The following MCC variants were observed in gnomAD, a reference collection of about 807,000 sequenced individuals.
MCC encodes the protein MCC regulator of Wnt signaling pathway.
In MCC, 90 loss-of-function variants were observed where a neutral mutation model predicts 116.2. The observed-to-expected ratio is 0.77, with a 90% confidence interval of 0.65 to 0.92. The LOEUF (loss-of-function observed/expected upper bound fraction) is 0.92, where lower values mean the gene tolerates loss of function less well. Ranked by LOEUF, MCC falls within the 40% of genes least tolerant of loss-of-function variation. The probability of loss-of-function intolerance (pLI) is 0.00; values close to 1 mark genes in which losing one functional copy is unlikely to be tolerated. For synonymous variants in MCC, 578 were observed against 510.5 expected (o/e 1.13, Z -1.78); for missense variants, 1,516 against 1,312.2 (o/e 1.16, Z -2.40).
At chr5:113,042,204 C>A (rs1751752210) in intron 17 of MCC, among the ~76,000 whole-genome samples, 1 of 151,408 alleles carries the variant, frequency 6.6e-6, no homozygotes, top group South Asian at 2.1e-4. Flanking sequence ...GGGCAGGGCA[C>A]TGCATGCCTG....
chr5:113,192,408 G>T (rs1053745531), intron 3 of MCC, among the ~76,000 whole-genome samples: 4 of 152,156 alleles, frequency 2.6e-5, no homozygotes, highest in Admixed American at 2.0e-4. Context: ...CTCAACATGG[G>T]ATTACATATT....
intron 1 of MCC, among the ~76,000 whole-genome samples, chr5:113,484,613 C>T (rs1001939431): frequency 2.0e-5 from 3 of 152,118 alleles, no homozygotes; most frequent in Admixed American, 1.3e-4. Context: ...TGGACAATAA[C>T]GGCAGGATAA....
At chr5:113,111,753 G>A (rs999724449) in intron 6 of MCC, among the ~76,000 whole-genome samples, 4 of 152,088 alleles carry the variant, frequency 2.6e-5, no homozygotes, top group Admixed American at 6.5e-5. Flanking sequence ...ACCTATCAAC[G>A]ACGTTGAGGA....
intron 3 of MCC, among the ~76,000 whole-genome samples, chr5:113,219,364 A>G (rs1304007821): frequency 6.6e-6 from 1 of 152,240 alleles, no homozygotes; most frequent in East Asian, 1.9e-4. Context: ...TCCTGTGAGG[A>G]CTTCCAATAA....
At chr5:113,102,028 A>G (rs376056393) in intron 7 of MCC, 83 bp from the exon 8 acceptor site, 2 of 1,353,868 alleles carry the variant, frequency 1.5e-6, no homozygotes, top group East Asian at 2.3e-5. Flanking sequence ...AACAGGAATA[A>G]ATGTCCATAG....
At chr5:113,139,861 A>G (rs1163772204) in intron 5 of MCC, among the ~76,000 whole-genome samples, 2 of 152,218 alleles carry the variant, frequency 1.3e-5, no homozygotes, top group Non-Finnish European at 2.9e-5. Context: ...AGTTGGGACT[A>G]TAGGTGTGCA....
intron 3 of MCC, among the ~76,000 whole-genome samples, chr5:113,270,803 C>G (rs558958685): frequency 6.6e-6 from 1 of 151,508 alleles, no homozygotes; most frequent in Non-Finnish European, 1.5e-5. Context: ...TTCATAGATC[C>G]GTGCTTTTTA....
chr5:113,158,941 G>A (rs556534026), intron 3 of MCC, among the ~76,000 whole-genome samples: 3 of 152,250 alleles, frequency 2.0e-5, no homozygotes, highest in Admixed American at 6.5e-5. Context: ...ATGTGTGTGT[G>A]GAGGGGTGGA....
chr5:113,309,190 AT>A (rs1280088797), intron 3 of MCC, among the ~76,000 whole-genome samples: 7 of 152,352 alleles, frequency 4.6e-5, no homozygotes, highest in Admixed American at 3.3e-4. Context: ...ACTGTTATAC[AT>A]TCTTTTTTAA....
At chr5:113,288,116 A>G (rs956378554) in intron 3 of MCC, among the ~76,000 whole-genome samples, 1 of 152,192 alleles carries the variant, frequency 6.6e-6, no homozygotes, top group Admixed American at 6.5e-5. Flanking sequence ...CAGGACCTCA[A>G]TGTCATGTTC....
At chr5:113,062,032 A>G (rs1336059854) in intron 14 of MCC, among the ~76,000 whole-genome samples, 2 of 152,152 alleles carry the variant, frequency 1.3e-5, no homozygotes, top group African/African-American at 4.8e-5. Flanking sequence ...TGGAGTGACA[A>G]ATGAATGCCT....
At chr5:113,410,509 T>C (rs1258621567) in intron 1 of MCC, among the ~76,000 whole-genome samples, 6 of 152,206 alleles carry the variant, frequency 3.9e-5, no homozygotes, top group Non-Finnish European at 1.5e-5. Flanking sequence ...TGGTGGGTCA[T>C]GTCTGTGATT....
At chr5:113,343,721 T>A (rs952873942) in intron 2 of MCC, among the ~76,000 whole-genome samples, 3 of 152,264 alleles carry the variant, frequency 2.0e-5, no homozygotes, top group African/African-American at 4.8e-5. Context: ...GAATTATCCA[T>A]GGTTGTAGTA....
At chr5:113,380,949 T>C (rs1454741881) in intron 2 of MCC, among the ~76,000 whole-genome samples, 1 of 152,084 alleles carries the variant, frequency 6.6e-6, no homozygotes, top group African/African-American at 2.4e-5. Flanking sequence ...GGTAAGGAAT[T>C]TGGACTTTAT....
chr5:113,439,399 G>A (rs1475061248), intron 1 of MCC, among the ~76,000 whole-genome samples: 1 of 152,188 alleles, frequency 6.6e-6, no homozygotes, highest in Non-Finnish European at 1.5e-5. Flanking sequence ...AGGTGATACA[G>A]GAAAGGGAAA....
intron 3 of MCC, among the ~76,000 whole-genome samples, chr5:113,212,676 A>C (rs1255598082): frequency 6.6e-6 from 1 of 152,072 alleles, no homozygotes; most frequent in Admixed American, 6.6e-5. Flanking sequence ...CCAACCTCTT[A>C]AGCCAAAGAA....
intron 3 of MCC, among the ~76,000 whole-genome samples, chr5:113,229,582 G>C (rs566462398): frequency 6.6e-6 from 1 of 152,132 alleles, no homozygotes; most frequent in African/African-American, 2.4e-5. Flanking sequence ...AATCACTCCG[G>C]CAAGTGTTTT....
intron 3 of MCC, among the ~76,000 whole-genome samples, chr5:113,216,240 C>A (rs1763310005): frequency 6.6e-6 from 1 of 152,202 alleles, no homozygotes; most frequent in Non-Finnish European, 1.5e-5. Flanking sequence ...TGTCTGCCAA[C>A]CCTTGCCCTA....
chr5:113,140,719 T>C (rs1759125780), intron 5 of MCC, among the ~76,000 whole-genome samples: 2 of 152,210 alleles, frequency 1.3e-5, no homozygotes, highest in Admixed American at 1.3e-4. Flanking sequence ...GCTTCTCCAA[T>C]AAATTCTTAA....
Sources: allele counts gnomAD v4.1 joint callset (sites outside exome capture counted in the v4.1 genomes callset), GRCh38; gene constraint gnomAD v4.1.1; transcripts MANE v1.5; gene names NCBI Gene and HGNC (gene_info 2026-07-23, HGNC 2026-07-21).